The following PTPN7 variants were observed in gnomAD, a reference collection of about 807,000 sequenced individuals.
PTPN7 encodes protein tyrosine phosphatase non-receptor type 7.
In PTPN7, 33 loss-of-function variants were observed where a neutral mutation model predicts 50.3. The observed-to-expected ratio is 0.66, with a 90% CI of 0.50 to 0.88. The LOEUF (loss-of-function observed/expected upper bound fraction) is 0.88, where lower values mean the gene tolerates loss of function less well. Among genes scored for constraint, PTPN7 ranks in the 40% least tolerant of loss-of-function variants. The probability of loss-of-function intolerance (pLI) is 0.00; values close to 1 mark genes in which losing one functional copy is unlikely to be tolerated. For synonymous variants in PTPN7, 185 were observed against 186.6 expected (o/e 0.99, Z 0.07); for missense variants, 412 against 475.4 (o/e 0.87, Z 1.24).
chr1:202,159,411 G>A lies in PTPN7; in HGVS notation c.-9C>T, dbSNP rs150142450. The A allele has an allele frequency of 1.2e-5, 20 of 1,614,066 alleles. No individual in the cohort carries two copies. In the African/African-American group the frequency reaches 2.3e-4, roughly 18 times the overall value. On this transcript the variant is annotated 5_prime_UTR_variant, in exon 2 of 10. Coordinates refer to ENST00000691036, the MANE Select transcript of PTPN7 (RefSeq NM_002832.4). This position sits in a 1 kb window ranked among gnomAD's most constrained non-coding sequence, Gnocchi z 4.6. ...CCATGGGCTTGGACCATGCTGAGGT[G>A]GGGTGCTGGGCCCAGGGGAGGCTCA...
At chr1:202,156,397 A>G (rs1656661158) in intron 4 of PTPN7, among the ~76,000 whole-genome samples, 1 of 152,252 alleles carries the variant, frequency 6.6e-6, no homozygotes. Context: ...GCAACTTGCC[A>G]GATATCACAT....
At chr1:202,151,374 C>T (rs1655987543) in intron 8 of PTPN7, among the ~76,000 whole-genome samples, 2 of 152,222 alleles carry the variant, frequency 1.3e-5, no homozygotes, top group African/African-American at 4.8e-5. Flanking sequence ...TCCCTCTCTT[C>T]ACTTGGCTAA....
At chr1:202,157,004 C>A (rs1656739510) in intron 4 of PTPN7, among the ~76,000 whole-genome samples, 2 of 152,222 alleles carry the variant, frequency 1.3e-5, no homozygotes. Context: ...AAAGCCATCT[C>A]TCTGGGAGCC....
chr1:202,151,519 T>C (rs1656004899), intron 8 of PTPN7, among the ~76,000 whole-genome samples: 1 of 139,692 alleles, frequency 7.2e-6, no homozygotes, highest in Non-Finnish European at 1.6e-5. Context: ...CATTGCGTGG[T>C]ATTTAATTTT....
At chr1:202,153,646 A>T in intron 7 of PTPN7, 79 bp downstream of exon 7, 1 of 1,158,734 alleles carries the variant, frequency 8.6e-7, no homozygotes, top group Non-Finnish European at 1.3e-6. Context: ...CTTGGCTCCT[A>T]GTGAAGAGCC....
chr1:202,161,170 CA>C (rs1285420449), upstream of PTPN7: 1 of 1,149,782 alleles, frequency 8.7e-7, no homozygotes. Context: ...CCATGCCTCA[CA>C]ATGTGAAGGA....
chr1:202,151,414 A>G (rs1220963543), intron 8 of PTPN7, among the ~76,000 whole-genome samples: 3 of 152,158 alleles, frequency 2.0e-5, no homozygotes, highest in Non-Finnish European at 4.4e-5. Context: ...CTTGGCTTAG[A>G]TGGCCTTTCT....
At position 202,147,943 on chromosome 1, in the gene PTPN7, T is replaced by G. The variant is rs1655507582; in HGVS notation, c.*663A>C. On this transcript the variant is annotated 3_prime_UTR_variant, in exon 10 of 10. Transcript: ENST00000691036. ...CCTGGTCACCTCTGTAGCCTACTCTTATGACACATGGGTGGAGGCAAGGGT... is the reference window on the plus strand; with the variant it reads ...CCTGGTCACCTCTGTAGCCTACTCTGATGACACATGGGTGGAGGCAAGGGT... 6.6e-6 allele frequency: 1 copy of G among 152,256 alleles called. No homozygotes were observed. Among genetic ancestry groups the G allele is most frequent in the Admixed American group, 6.5e-5 (1 of 15,284 alleles). 9.4% of individuals were successfully genotyped at this position (152,256 alleles called of 1,614,324 possible). A position where few individuals can be genotyped will look rare whatever the true frequency, so the allele number is the denominator to read the frequency against.
chr1:202,158,786 CTTT>C (rs533403948), intron 2 of PTPN7: 61 of 139,056 alleles, frequency 4.4e-4, no homozygotes, highest in South Asian at 1.1e-3. Context: ...TGTGTGCCCT[CTTT>C]TTTTTTTTTT....
rs1181468780 is a variant in PTPN7 at position 202,152,558 on chromosome 1, T to C, written c.859A>G (p.Ile287Val). The C allele has an allele frequency of 8.1e-6, 13 of 1,613,000 alleles. No homozygotes were observed. The highest frequency in any genetic ancestry group is 1.1e-5 in the Non-Finnish European group (13 of 1,179,978). ...GCCACGCACCTGCAGTGGACTACGATAGGCCCGGGGTGGGCGGCTGTCTCC... is the reference window on the plus strand; with the variant it reads ...GCCACGCACCTGCAGTGGACTACGACAGGCCCGGGGTGGGCGGCTGTCTCC... ...SPETAAHPGPIVVHCSAGIGR... is the reference protein window; with the variant it reads ...SPETAAHPGPVVVHCSAGIGR... Residue 287 changes from isoleucine to valine, a missense_variant, in exon 8 of 10, where the codon ATC becomes GTC. Ile to Val is a conservative substitution (Grantham distance 29). Coordinates refer to ENST00000691036, the MANE Select transcript of PTPN7 (RefSeq NM_002832.4).
Position 202,159,375 on chromosome 1 carries a change from T to C in PTPN7, c.28A>G (p.Arg10Gly), listed in dbSNP as rs748423142. Residue 10 changes from arginine (R) to glycine (G), a missense_variant, in exon 2 of 10, where the codon AGA (arginine) becomes GGA (glycine). Coordinates refer to ENST00000691036, the MANE Select transcript of PTPN7 (RefSeq NM_002832.4). This position sits in a 1 kb window ranked among gnomAD's most constrained non-coding sequence, Gnocchi z 4.6. ...AAAGACAAGGTCAACGGCTGTGCTC[T>C]GGAGCGCCCCCCATGGGCTTGGACC... MVQAHGGRSRAQPLTLSLGA... is the reference protein window; with the variant it reads MVQAHGGRSGAQPLTLSLGA... The C allele has an allele frequency of 1.9e-6, 3 of 1,614,242 alleles. No individual in the cohort carries two copies. The Admixed American group carries it at 5.0e-5, about 27-fold the overall frequency.
chr1:202,160,544 C>A lies in PTPN7; in HGVS notation c.-53+1G>T, dbSNP rs1440769146. ...TCCCAGTCCCCCCTTCAGATACTTA[C>A]TGAAGCAGCTGTGGCCCCCAGGCTG... On this transcript the variant is annotated splice_donor_variant, in intron 1 of 9. Coordinates refer to ENST00000691036, the MANE Select transcript of PTPN7 (RefSeq NM_002832.4). LOFTEE classifies it low-confidence loss of function (5UTR_SPLICE). The surrounding 1 kb of genome is among the most constrained non-coding windows in gnomAD (Gnocchi z 4.8). 2.6e-6 allele frequency: 4 copies of A among 1,546,878 alleles called. No individual in the cohort carries two copies. Among genetic ancestry groups the A allele is most frequent in the Non-Finnish European group, 3.5e-6 (4 of 1,144,278 alleles).
intron 4 of PTPN7, 94 bp from the exon 5 acceptor site, chr1:202,155,703 A>G (rs1656584353): frequency 1.8e-6 from 2 of 1,082,158 alleles, no homozygotes; most frequent in Non-Finnish European, 2.8e-6. Flanking sequence ...TCCTGTGCTC[A>G]TCACAGTCAT....
upstream of PTPN7, chr1:202,160,732 C>T: frequency 1.9e-6 from 3 of 1,550,418 alleles, no homozygotes; most frequent in Non-Finnish European, 2.6e-6. The surrounding 1 kb of genome is among the most constrained non-coding windows in gnomAD (Gnocchi z 4.8). Flanking sequence ...GGGTCGGCTG[C>T]CTCCCGCCTG....
At chr1:202,158,060 A>C in intron 3 of PTPN7, 58 bp downstream of exon 3, 1 of 1,503,702 alleles carries the variant, frequency 6.7e-7, no homozygotes, top group Non-Finnish European at 9.0e-7. Context: ...GAATGGTTCC[A>C]GCTGGCTGCC....
At chr1:202,150,487 C>A (rs1655880253) in intron 8 of PTPN7, 63 bp from the exon 9 acceptor site, 2 of 1,327,278 alleles carry the variant, frequency 1.5e-6, no homozygotes, top group Non-Finnish European at 2.1e-6. Flanking sequence ...AGAGCCAGGC[C>A]CCAAACTATG....
At chr1:202,160,944 A>G, upstream of PTPN7, 1 of 1,431,164 alleles carries the variant, frequency 7.0e-7, no homozygotes, top group Non-Finnish European at 9.1e-7. The surrounding 1 kb of genome is among the most constrained non-coding windows in gnomAD (Gnocchi z 4.8). Flanking sequence ...AAAGAACCCA[A>G]GGCTCTCCTG....
In PTPN7 at chr1:202,160,008, C is replaced by T; in HGVS notation, c.-53+537G>A. The T allele has an allele frequency of 1.0e-6, 1 of 997,474 alleles. No individual in the cohort carries two copies. The highest frequency in any genetic ancestry group is 1.2e-6 in the Non-Finnish European group (1 of 836,504). The allele number at this position is 997,474 out of a possible 1,614,324, so 61.8% of individuals were successfully genotyped here. ...TGTTTCTGGCTTCTGGGGTCTCTGT[C>T]CAGGGAGGTAGGCTGGAGGTGTTTC... On this transcript the variant is annotated intron_variant, in intron 1 of 9. Transcript: ENST00000691036. The surrounding 1 kb of genome is among the most constrained non-coding windows in gnomAD (Gnocchi z 4.8).
rs201759398 is a variant in PTPN7 at position 202,156,479 on chromosome 1, AG to A, written c.392-871del. 7.2e-5 allele frequency among the ~76,000 whole-genome samples: 11 copies of A among 152,334 alleles called. No individual in the cohort carries two copies. In the East Asian group the frequency reaches 1.9e-3, roughly 27 times the overall value. ...ATTTGGCCTCTGCCTCTAAGGGGGA[AG>A]GATTTCTCTAAATGAAACCCAAACA... On this transcript the variant is annotated intron_variant, in intron 4 of 9. Coordinates refer to ENST00000691036, the MANE Select transcript of PTPN7 (RefSeq NM_002832.4).
Sources: gnomAD v4.1 joint callset for allele counts (sites outside exome capture counted in the v4.1 genomes callset) on GRCh38, gnomAD v4.1.1 for gene constraint, Gnocchi (gnomAD v3.1) non-coding constraint, MANE v1.5 for transcripts, NCBI Gene and HGNC (gene_info 2026-07-23, HGNC 2026-07-21) for gene names.